Variants in SMYD3 observed in about 807,000 individuals in gnomAD.
SMYD3 encodes the protein histone-lysine N-methyltransferase SMYD3.
In SMYD3, 36 loss-of-function variants were observed where a neutral mutation model predicts 57.7. The ratio of observed to expected loss-of-function variants is 0.62; its 90% CI spans 0.48 to 0.82. SMYD3 has a LOEUF of 0.82. Among genes scored for constraint, SMYD3 ranks in the 40% least tolerant of loss-of-function variants. The pLI is 0.00. For synonymous variants in SMYD3, 211 were observed against 195.0 expected (o/e 1.08, Z -0.68); for missense variants, 515 against 538.8 (o/e 0.96, Z 0.44).
intron 5 of SMYD3, among the ~76,000 whole-genome samples, chr1:246,037,524 T>C (rs956822549): frequency 1.3e-5 from 2 of 152,210 alleles, no homozygotes; most frequent in Non-Finnish European, 2.9e-5. Context: ...TTCAAGGACA[T>C]ATTTCTCACA....
rs1390160113 is a variant in SMYD3 at position 245,772,129 on chromosome 1, G to C, written c.1077-7980C>G. On this transcript the variant is annotated intron_variant, in intron 10 of 11. Transcript: ENST00000490107. The stretch of plus-strand genomic sequence containing the variant: ...AGACTGAACCCTCAGCTCTTGTTTG[G>C]TTTCTGATATGTACTATTGGCCTCA... Among the ~76,000 whole-genome samples the C allele has an allele frequency of 1.3e-5, 2 of 152,118 alleles. 1 individual carries two copies. Among genetic ancestry groups the C allele is most frequent in the Non-Finnish European group, 2.9e-5 (2 of 68,024 alleles).
intron 5 of SMYD3, among the ~76,000 whole-genome samples, chr1:245,994,799 T>TAAA (rs11403779): frequency 6.8e-6 from 1 of 146,262 alleles, no homozygotes; most frequent in Non-Finnish European, 1.5e-5. Context: ...TGAAGAAACT[T>TAAA]AAAAAAAAAA....
chr1:246,238,915 G>GA (rs2063556024), intron 5 of SMYD3, among the ~76,000 whole-genome samples: 1 of 145,620 alleles, frequency 6.9e-6, no homozygotes, highest in South Asian at 2.2e-4. Flanking sequence ...TTTTTTGAGG[G>GA]AAATTACTTT....
intron 1 of SMYD3, among the ~76,000 whole-genome samples, chr1:246,427,655 G>A (rs1387143061): frequency 1.3e-5 from 2 of 152,220 alleles, no homozygotes; most frequent in African/African-American, 4.8e-5. Context: ...CTTGAGCCCA[G>A]GAGTTCAAGA....
At chr1:246,078,597 G>T (rs2060585750) in intron 5 of SMYD3, among the ~76,000 whole-genome samples, 1 of 152,168 alleles carries the variant, frequency 6.6e-6, no homozygotes, top group Non-Finnish European at 1.5e-5. Flanking sequence ...AGTCGAAGAA[G>T]AATAGTTCAA....
At chr1:246,280,034 T>C (rs2064411665) in intron 5 of SMYD3, among the ~76,000 whole-genome samples, 1 of 152,206 alleles carries the variant, frequency 6.6e-6, no homozygotes, top group African/African-American at 2.4e-5. Context: ...AGCCTAGTCT[T>C]ATAAATGTGA....
At chr1:245,946,747 T>A (rs763609948) in intron 5 of SMYD3, among the ~76,000 whole-genome samples, 8 of 151,960 alleles carry the variant, frequency 5.3e-5, no homozygotes, top group Admixed American at 2.0e-4. Context: ...TCATTAAGGG[T>A]CTATTATGTA....
intron 5 of SMYD3, among the ~76,000 whole-genome samples, chr1:246,311,552 T>C (rs1052133014): frequency 6.6e-6 from 1 of 152,268 alleles, no homozygotes; most frequent in African/African-American, 2.4e-5. Flanking sequence ...GCTACATTTC[T>C]ACCAAATCAG....
chr1:246,258,852 A>G (rs2063945564), intron 5 of SMYD3, among the ~76,000 whole-genome samples: 1 of 152,162 alleles, frequency 6.6e-6, no homozygotes, highest in South Asian at 2.1e-4. Context: ...AGTAATGCCA[A>G]TAATTTGTAG....
At chr1:246,459,801 A>G (rs1185859004) in intron 1 of SMYD3, among the ~76,000 whole-genome samples, 2 of 152,142 alleles carry the variant, frequency 1.3e-5, no homozygotes, top group African/African-American at 2.4e-5. Flanking sequence ...TATAAGTCAC[A>G]TACAGTATTA....
intron 5 of SMYD3, among the ~76,000 whole-genome samples, chr1:246,175,922 T>C (rs1187016091): frequency 6.6e-6 from 1 of 152,226 alleles, no homozygotes; most frequent in Non-Finnish European, 1.5e-5. Flanking sequence ...CATAATTTAC[T>C]TGAAGGAGTT....
chr1:246,180,818 G>A (rs926149364), intron 5 of SMYD3, among the ~76,000 whole-genome samples: 2 of 126,488 alleles, frequency 1.6e-5, no homozygotes, highest in African/African-American at 6.1e-5. Flanking sequence ...GGGCAGAAGA[G>A]AATGGGTAAT....
chr1:245,764,218 C>G (rs1572270226), intron 10 of SMYD3, 69 bp from the exon 11 acceptor site: 2 of 1,040,490 alleles, frequency 1.9e-6, no homozygotes, highest in Non-Finnish European at 3.0e-6. Context: ...CATCAGGAGA[C>G]TACGAAAGTG....
At chr1:246,220,853 C>T (rs2148421132) in intron 5 of SMYD3, among the ~76,000 whole-genome samples, 1 of 152,290 alleles carries the variant, frequency 6.6e-6, no homozygotes, top group Admixed American at 6.5e-5. Flanking sequence ...CAGAGCTGAG[C>T]AGACTGGGAC....
chr1:246,488,936 C>G (rs2068228381), intron 1 of SMYD3, among the ~76,000 whole-genome samples: 1 of 152,126 alleles, frequency 6.6e-6, no homozygotes, highest in African/African-American at 2.4e-5. Context: ...TGCCTTAAAA[C>G]ACTAGATATT....
intron 5 of SMYD3, among the ~76,000 whole-genome samples, chr1:246,094,213 G>T (rs952420107): frequency 6.6e-6 from 1 of 152,052 alleles, no homozygotes; most frequent in African/African-American, 2.4e-5. Context: ...CTACCATGAG[G>T]GCTGGTGATA....
chr1:245,885,719 G>A (rs891050886), intron 8 of SMYD3, among the ~76,000 whole-genome samples: 1 of 152,070 alleles, frequency 6.6e-6, no homozygotes, highest in Non-Finnish European at 1.5e-5. Flanking sequence ...ATAGTTATGG[G>A]GCAGCTGCAT....
chr1:246,250,812 A>G (rs2063786350), intron 5 of SMYD3, among the ~76,000 whole-genome samples: 1 of 152,216 alleles, frequency 6.6e-6, no homozygotes, highest in South Asian at 2.1e-4. Context: ...TGCTTTAAGA[A>G]AGCAATAAAC....
At chr1:246,445,491 C>G (rs1225120615) in intron 1 of SMYD3, among the ~76,000 whole-genome samples, 1 of 152,110 alleles carries the variant, frequency 6.6e-6, no homozygotes, top group Non-Finnish European at 1.5e-5. Context: ...ACTATTGACC[C>G]AAGGGATAAA....
Sources: allele counts gnomAD v4.1 joint callset (sites outside exome capture counted in the v4.1 genomes callset), GRCh38; gene constraint gnomAD v4.1.1; transcripts MANE v1.5; gene names NCBI Gene and HGNC (gene_info 2026-07-23, HGNC 2026-07-21).